COL4A6: variants seen among roughly 807,000 people sequenced by gnomAD.
COL4A6 encodes collagen alpha-6(IV) chain.
COL4A6 carries 59 observed loss-of-function variants against 126.7 expected under a neutral mutation model. The ratio of observed to expected loss-of-function variants is 0.47; its 90% confidence interval spans 0.38 to 0.58. COL4A6 has a LOEUF of 0.58. COL4A6 is among the 20% of genes least tolerant of loss of function. The pLI, the probability that COL4A6 is intolerant of heterozygous loss-of-function variation, is 0.00. For missense variants in COL4A6, 1,285 were observed against 1,337.3 expected (o/e 0.96, Z 0.61); for synonymous variants, 547 against 496.6 (o/e 1.10, Z -1.35).
At chrX:108,238,565 CA>C (rs1159292712) in intron 3 of COL4A6, among the ~76,000 whole-genome samples, 1 of 108,481 alleles carries the variant, frequency 9.2e-6, no homozygotes, top group Non-Finnish European at 1.9e-5. Flanking sequence ...ATGCATTTAC[CA>C]CATTTTACAT....
At chrX:108,351,550 G>A (rs769854968) in intron 2 of COL4A6, among the ~76,000 whole-genome samples, 1 of 108,205 alleles carries the variant, frequency 9.2e-6, no homozygotes, top group South Asian at 4.2e-4. Context: ...GCCACACCTC[G>A]AGTGAATACA....
At chrX:108,294,908 G>A (rs1237387101) in intron 3 of COL4A6, among the ~76,000 whole-genome samples, 2 of 111,773 alleles carry the variant, frequency 1.8e-5, no homozygotes, top group Non-Finnish European at 3.8e-5. Flanking sequence ...TTTATGGTAT[G>A]ATATTTATAT....
chrX:108,211,597 T>A, intron 7 of COL4A6, 75 bp downstream of exon 7: 1 of 943,149 alleles, frequency 1.1e-6, no homozygotes, highest in Non-Finnish European at 1.5e-6. Context: ...TGGAAATGTT[T>A]TCACTGGAGG....
intron 5 of COL4A6, among the ~76,000 whole-genome samples, chrX:108,217,996 A>T (rs1486316062): frequency 1.8e-5 from 2 of 112,085 alleles, no homozygotes; most frequent in African/African-American, 6.5e-5. Context: ...CTGCCAAGCA[A>T]TGAAGCCTCG....
intron 2 of COL4A6, among the ~76,000 whole-genome samples, chrX:108,341,439 G>C (rs1322208671): frequency 9.0e-6 from 1 of 110,720 alleles, no homozygotes; most frequent in Non-Finnish European, 1.9e-5. Context: ...CCCCCATACT[G>C]TTCTGGTGGT....
At position 108,285,980 on chromosome X, in the gene COL4A6, T is replaced by C. The variant is rs139313292; in HGVS notation, c.144+24768A>G. 6.0e-4 allele frequency among the ~76,000 whole-genome samples: 67 copies of C among 111,884 alleles called. No individual in the cohort carries two copies. The East Asian group carries it at 0.017, about 29-fold the overall frequency. On this transcript the variant is annotated intron_variant, in intron 3 of 44. Coordinates refer to ENST00000334504, the MANE Select transcript of COL4A6 (RefSeq NM_033641.4). ...GGATCTGGTGTTCTAAAGAATGCAGTGTGGATGCTCCTGTGAATGTTTGTT... is the reference window on the plus strand; with the variant it reads ...GGATCTGGTGTTCTAAAGAATGCAGCGTGGATGCTCCTGTGAATGTTTGTT...
chrX:108,345,056 T>C (rs568588041), intron 2 of COL4A6, among the ~76,000 whole-genome samples: 2 of 111,601 alleles, frequency 1.8e-5, no homozygotes, highest in African/African-American at 6.5e-5. Flanking sequence ...CATAGACATA[T>C]AGAGTGAATA....
chrX:108,418,071 A>G (rs967323611), intron 2 of COL4A6, among the ~76,000 whole-genome samples: 3 of 112,223 alleles, frequency 2.7e-5, no homozygotes, highest in African/African-American at 9.7e-5. Context: ...CACCAAGAAC[A>G]TATTTGCAGA....
chrX:108,296,984 A>C (rs1235166959), intron 3 of COL4A6, among the ~76,000 whole-genome samples: 26 of 112,367 alleles, frequency 2.3e-4, no homozygotes, highest in Non-Finnish European at 3.9e-4. Flanking sequence ...AGAGATTACC[A>C]TTGTAATTAA....
At chrX:108,247,159 A>G (rs1441385233) in intron 3 of COL4A6, among the ~76,000 whole-genome samples, 1 of 110,625 alleles carries the variant, frequency 9.0e-6, no homozygotes, top group South Asian at 3.9e-4. Context: ...CACAGTGCTC[A>G]CAGGCATAGA....
At position 108,395,770 on chromosome X, in the gene COL4A6, T is replaced by C. The variant is rs147948779; in HGVS notation, c.63+42172A>G. ...CTGTCCCAAGGGTCTCTCACAAAGATAGTAAAAAATACATCTAACTAGCTT... is the reference window on the plus strand; with the variant it reads ...CTGTCCCAAGGGTCTCTCACAAAGACAGTAAAAAATACATCTAACTAGCTT... On this transcript the variant is annotated intron_variant, in intron 2 of 44. Coordinates refer to ENST00000334504, the MANE Select transcript of COL4A6 (RefSeq NM_033641.4). Among the ~76,000 whole-genome samples, 38 of 112,089 alleles carry C rather than the reference T, an allele frequency of 3.4e-4. No individual in the cohort carries two copies. In the East Asian group the frequency reaches 9.8e-3, roughly 29 times the overall value.
chrX:108,161,833 TAGGAGAC>T, intron 41 of COL4A6, 98 bp from the exon 42 acceptor site: 1 of 525,980 alleles, frequency 1.9e-6, no homozygotes, highest in Admixed American at 3.2e-5. Context: ...CAAGACTCAC[TAGGAGAC>T]GATGCACTTG....
chrX:108,435,998 T>C (rs1412498244), intron 2 of COL4A6, among the ~76,000 whole-genome samples: 1 of 111,701 alleles, frequency 9.0e-6, no homozygotes, highest in Non-Finnish European at 1.9e-5. Context: ...CCCGTATAGA[T>C]AAGAATCCCG....
intron 2 of COL4A6, among the ~76,000 whole-genome samples, chrX:108,398,551 G>A (rs2041016596): frequency 9.0e-6 from 1 of 111,007 alleles, no homozygotes; most frequent in African/African-American, 3.3e-5. Flanking sequence ...GTTCTGGGTG[G>A]TAGTTATACA....
At position 108,180,620 on chromosome X, in the gene COL4A6, G is replaced by A. The variant is rs894295793; in HGVS notation, c.2026C>T (p.Pro676Ser). ...GFPGTPGFPGPKGSRGLPGTP... is the reference protein window; with the variant it reads ...GFPGTPGFPGSKGSRGLPGTP... Reference sequence around the variant, plus strand: ...CCAGGGAGGCCTCGAGACCCTTTAGGGCCTGAAAACCCAAATGTAAGCAAT... The same window carrying A: ...CCAGGGAGGCCTCGAGACCCTTTAGAGCCTGAAAACCCAAATGTAAGCAAT... Residue 676 changes from proline (P) to serine (S), a missense_variant and splice_region_variant, in exon 25 of 45, where the codon CCT becomes TCT. Physicochemically the swap from Pro to Ser is moderately conservative, Grantham distance 74. Transcript: ENST00000334504. 1 of 1,177,772 alleles carries A rather than the reference G, an allele frequency of 8.5e-7. No individual in the cohort carries two copies. Among genetic ancestry groups the A allele is most frequent in the African/African-American group, 1.8e-5 (1 of 55,179 alleles).
At chrX:108,403,736 G>A (rs953896645) in intron 2 of COL4A6, among the ~76,000 whole-genome samples, 10 of 111,017 alleles carry the variant, frequency 9.0e-5, no homozygotes, top group Non-Finnish European at 1.9e-4. Context: ...TCTAAATAAA[G>A]CGTTTAGGGA....
At chrX:108,206,310 G>T in intron 9 of COL4A6, 1 of 535,512 alleles carries the variant, frequency 1.9e-6, no homozygotes, top group Admixed American at 2.3e-5. Context: ...GGCTTTAGAG[G>T]CACAGATTGG....
intron 2 of COL4A6, among the ~76,000 whole-genome samples, chrX:108,398,594 T>C (rs962259909): frequency 1.8e-5 from 2 of 111,088 alleles, no homozygotes; most frequent in African/African-American, 6.5e-5. Context: ...TCACTTATGA[T>C]TCGTGCACTT....
intron 3 of COL4A6, among the ~76,000 whole-genome samples, chrX:108,256,240 A>T: frequency 8.9e-6 from 1 of 112,328 alleles, no homozygotes; most frequent in Non-Finnish European, 1.9e-5. Flanking sequence ...ACCAACCTAA[A>T]GAAAAGCATT....
Sources: gnomAD v4.1 joint callset for allele counts (sites outside exome capture counted in the v4.1 genomes callset) on GRCh38, gnomAD v4.1.1 for gene constraint, MANE v1.5 for transcripts, NCBI Gene and HGNC (gene_info 2026-07-23, HGNC 2026-07-21) for gene names.